Variants in CTIF observed in about 807,000 individuals in gnomAD.
CTIF encodes CBP80/20-dependent translation initiation factor.
A neutral mutation model predicts 66.0 loss-of-function variants in CTIF; 21 were observed. The observed-to-expected ratio is 0.32, with a 90% CI of 0.23 to 0.46. The LOEUF (loss-of-function observed/expected upper bound fraction) is 0.46, where lower values mean the gene tolerates loss of function less well. CTIF is among the 20% of genes least tolerant of loss of function. The pLI is 1.00. For missense variants in CTIF, 739 were observed against 812.7 expected (o/e 0.91, Z 1.10); for synonymous variants, 345 against 326.4 (o/e 1.06, Z -0.62).
intron 1 of CTIF, among the ~76,000 whole-genome samples, chr18:48,589,383 A>G (rs1026691736): frequency 6.6e-6 from 1 of 152,116 alleles, no homozygotes; most frequent in African/African-American, 2.4e-5. Context: ...CCATCTTCAC[A>G]TGTACTCTCC....
intron 10 of CTIF, chr18:48,834,598 G>A (rs78388060): frequency 0.095 from 14,536 of 152,594 alleles, 866 homozygotes; most frequent in Middle Eastern, 0.16. Context: ...TGCTGATGCC[G>A]TCATTAGGGG....
At chr18:48,768,242 C>T (rs1357287095) in intron 9 of CTIF, among the ~76,000 whole-genome samples, 4 of 152,114 alleles carry the variant, frequency 2.6e-5, no homozygotes, top group South Asian at 2.1e-4. Context: ...AGACTGATAT[C>T]GATTCCTGGA....
rs566678851 is a variant in CTIF, at chr18:48,700,184, T to C, written c.508-11435T>C. The stretch of plus-strand genomic sequence containing the variant: ...AGTGAGTAAGTTTCATGAGATGTGA[T>C]GGTTTTATAAAGGGGAGTTCCCCTG... On this transcript the variant is annotated intron_variant, in intron 6 of 11. Coordinates refer to ENST00000256413, the MANE Select transcript of CTIF (RefSeq NM_014772.3). Among the ~76,000 whole-genome samples, 5 of 152,330 alleles carry C rather than the reference T, an allele frequency of 3.3e-5. No individual in the cohort carries two copies. In the East Asian group the frequency reaches 9.6e-4, roughly 29 times the overall value.
rs186801670 is a variant in CTIF at position 48,610,219 on chromosome 18, A to G, written c.-28-9319A>G. ...GGGCAAGAGTTGGGTAGCAGCCCAG[A>G]GGCGGAGGAGAAGGTGTCACCAGGC... On this transcript the variant is annotated intron_variant, in intron 1 of 11. Transcript: ENST00000256413. 3.8e-3 allele frequency among the ~76,000 whole-genome samples: 575 copies of G among 152,324 alleles called. 5 individuals are homozygous for G. Among genetic ancestry groups the G allele is most frequent in the Middle Eastern group, 0.024 (7 of 294 alleles).
chr18:48,621,679 C>T lies in CTIF; in HGVS notation c.180+1934C>T, dbSNP rs115215033. 9.3e-3 allele frequency: 2,668 copies of T among 286,146 alleles called. 66 individuals are homozygous for T. The highest frequency in any genetic ancestry group is 0.059 in the African/African-American group (2,525 of 42,514). The allele number at this position is 286,146 out of a possible 1,614,324, so 17.7% of individuals were successfully genotyped here. ...GAGAATGGCTGACTGAGCAGGGGGC[C>T]GTGACGGGGAAGTTTCCACTGAGCG... On this transcript the variant is annotated intron_variant, in intron 2 of 11. Transcript: ENST00000256413.
chr18:48,622,589 C>G (rs541272828), intron 2 of CTIF, among the ~76,000 whole-genome samples: 1 of 152,162 alleles, frequency 6.6e-6, no homozygotes, highest in Non-Finnish European at 1.5e-5. Context: ...TCTGGTGGTG[C>G]ATTAACTTAT....
chr18:48,660,563 G>T (rs372155630), intron 3 of CTIF, among the ~76,000 whole-genome samples: 29 of 152,290 alleles, frequency 1.9e-4, no homozygotes, highest in Middle Eastern at 6.8e-3. Context: ...TGGGTCCCCC[G>T]CCAGGGATAC....
intron 3 of CTIF, among the ~76,000 whole-genome samples, chr18:48,655,902 C>T (rs2144819171): frequency 6.6e-6 from 1 of 152,360 alleles, no homozygotes; most frequent in African/African-American, 2.4e-5. Flanking sequence ...CACATATGCA[C>T]TTGCACAGCA....
At chr18:48,624,497 T>C (rs1468897400) in intron 2 of CTIF, among the ~76,000 whole-genome samples, 4 of 152,152 alleles carry the variant, frequency 2.6e-5, no homozygotes, top group African/African-American at 9.7e-5. Flanking sequence ...CACTAATCTT[T>C]TGGGGAAGAG....
chr18:48,552,140 G>A (rs1311140312), intron 1 of CTIF, among the ~76,000 whole-genome samples: 1 of 152,214 alleles, frequency 6.6e-6, no homozygotes, highest in African/African-American at 2.4e-5. Flanking sequence ...GCTAAGTATT[G>A]TGGTGTCATA....
intron 6 of CTIF, among the ~76,000 whole-genome samples, chr18:48,678,935 T>C (rs1340155303): frequency 6.6e-6 from 1 of 152,246 alleles, no homozygotes; most frequent in Non-Finnish European, 1.5e-5. Flanking sequence ...TAAAGTTTTA[T>C]CAAAACGCAG....
At chr18:48,647,190 G>C (rs2091056451) in intron 3 of CTIF, among the ~76,000 whole-genome samples, 1 of 152,216 alleles carries the variant, frequency 6.6e-6, no homozygotes, top group Non-Finnish European at 1.5e-5. Context: ...TTTTCAAAAA[G>C]CCAGTCCTCC....
chr18:48,830,838 T>G (rs2068677077), intron 10 of CTIF, among the ~76,000 whole-genome samples: 1 of 151,742 alleles, frequency 6.6e-6, no homozygotes, highest in South Asian at 2.1e-4. Context: ...TCTTTGTTAA[T>G]CGCTTATTTT....
At chr18:48,629,282 A>G (rs973261385) in intron 2 of CTIF, among the ~76,000 whole-genome samples, 1 of 152,238 alleles carries the variant, frequency 6.6e-6, no homozygotes, top group African/African-American at 2.4e-5. Flanking sequence ...CCTGGGTAAG[A>G]TGACCTTTAA....
intron 6 of CTIF, among the ~76,000 whole-genome samples, chr18:48,683,672 T>A (rs1238298834): frequency 6.6e-6 from 1 of 152,162 alleles, no homozygotes; most frequent in Non-Finnish European, 1.5e-5. Flanking sequence ...GTCTAGGCCC[T>A]GCTCTCTCTC....
intron 7 of CTIF, among the ~76,000 whole-genome samples, chr18:48,755,108 G>A (rs187339093): frequency 6.6e-6 from 1 of 152,298 alleles, no homozygotes; most frequent in African/African-American, 2.4e-5. Context: ...CATTTCTTGG[G>A]CCATAGCTGC....
intron 1 of CTIF, among the ~76,000 whole-genome samples, chr18:48,578,420 G>A (rs1048004615): frequency 2.5e-4 from 38 of 152,162 alleles, no homozygotes; most frequent in Non-Finnish European, 4.3e-4. Flanking sequence ...CAAAATGGCT[G>A]CACCACTTTA....
At chr18:48,587,450 C>T (rs1424858592) in intron 1 of CTIF, among the ~76,000 whole-genome samples, 4 of 151,780 alleles carry the variant, frequency 2.6e-5, no homozygotes, top group African/African-American at 9.7e-5. Flanking sequence ...TTAAACCTCC[C>T]AGCTACCACT....
intron 10 of CTIF, among the ~76,000 whole-genome samples, chr18:48,830,992 G>A (rs2068680432): frequency 6.6e-6 from 1 of 152,224 alleles, no homozygotes; most frequent in South Asian, 2.1e-4. Flanking sequence ...AGAGTGCCTA[G>A]ACTGAGCAAA....
Sources: allele counts gnomAD v4.1 joint callset (sites outside exome capture counted in the v4.1 genomes callset), GRCh38; gene constraint gnomAD v4.1.1; transcripts MANE v1.5; gene names NCBI Gene and HGNC (gene_info 2026-07-23, HGNC 2026-07-21).